CTNNA3: variants seen among roughly 807,000 people sequenced by gnomAD.
The protein encoded by CTNNA3 is catenin alpha-3.
CTNNA3 carries 76 observed loss-of-function variants against 95.7 expected under a neutral mutation model. That is an observed-to-expected ratio of 0.79 (90% CI 0.66 to 0.96). The LOEUF is 0.96. Among genes scored for constraint, CTNNA3 ranks in the 40% least tolerant of loss-of-function variants. CTNNA3 has a pLI of 0.00. For synonymous variants in CTNNA3, 431 were observed against 374.4 expected (o/e 1.15, Z -1.74); for missense variants, 1,191 against 1,089.8 (o/e 1.09, Z -1.31).
At chr10:66,279,884 T>C (rs984968676) in intron 13 of CTNNA3, among the ~76,000 whole-genome samples, 2 of 152,040 alleles carry the variant, frequency 1.3e-5, no homozygotes, top group Non-Finnish European at 2.9e-5. Flanking sequence ...AATCCTGGTT[T>C]CTGTATATAC....
intron 7 of CTNNA3, among the ~76,000 whole-genome samples, chr10:67,026,937 G>T (rs1853427434): frequency 6.6e-6 from 1 of 152,206 alleles, no homozygotes; most frequent in Non-Finnish European, 1.5e-5. Flanking sequence ...TTAGAAGAGG[G>T]ATCATGCCTT....
Position 66,024,966 on chromosome 10 carries a change from C to T in CTNNA3, c.2160-36169G>A, listed in dbSNP as rs982116987. 3.3e-5 allele frequency among the ~76,000 whole-genome samples: 5 copies of T among 152,268 alleles called. No homozygotes were observed. The East Asian group carries it at 9.7e-4, about 29-fold the overall frequency. ...TAAGCCATAGTACATGAAAACATTC[C>T]CAACATGAATAGCAATATCTTTTAT... On this transcript the variant is annotated intron_variant, in intron 15 of 17. Transcript: ENST00000433211.
intron 17 of CTNNA3, among the ~76,000 whole-genome samples, chr10:65,944,962 T>G (rs529234679): frequency 6.6e-6 from 1 of 152,188 alleles, no homozygotes; most frequent in East Asian, 1.9e-4. Flanking sequence ...AAGTAACAGC[T>G]AAAGGAGATG....
intron 5 of CTNNA3, among the ~76,000 whole-genome samples, chr10:67,322,368 C>G (rs894742160): frequency 6.6e-6 from 1 of 152,122 alleles, no homozygotes. Flanking sequence ...CGGATCCTCT[C>G]CCTCCTCTCA....
chr10:67,477,213 G>A (rs1371585895), intron 5 of CTNNA3, among the ~76,000 whole-genome samples: 1 of 151,922 alleles, frequency 6.6e-6, no homozygotes, highest in Non-Finnish European at 1.5e-5. Context: ...GATCCAAGGA[G>A]GTTTCCATCT....
intron 13 of CTNNA3, among the ~76,000 whole-genome samples, chr10:66,121,444 T>C (rs2082567384): frequency 6.6e-6 from 1 of 151,980 alleles, no homozygotes; most frequent in African/African-American, 2.4e-5. Context: ...TTTCCTCAGT[T>C]TCTTTTTTTA....
At chr10:67,631,407 A>G (rs1839139724) in intron 2 of CTNNA3, among the ~76,000 whole-genome samples, 1 of 152,216 alleles carries the variant, frequency 6.6e-6, no homozygotes, top group East Asian at 1.9e-4. Context: ...CAGAAGTTAG[A>G]GTGACATAAT....
chr10:66,176,256 G>A (rs1472749794), intron 13 of CTNNA3, among the ~76,000 whole-genome samples: 1 of 152,116 alleles, frequency 6.6e-6, no homozygotes, highest in African/African-American at 2.4e-5. Context: ...GAATGTGACA[G>A]TTGATGGTCT....
intron 3 of CTNNA3, among the ~76,000 whole-genome samples, chr10:67,557,937 C>A (rs1279470639): frequency 1.3e-5 from 2 of 152,190 alleles, no homozygotes; most frequent in Non-Finnish European, 2.9e-5. Flanking sequence ...CACTAGATTG[C>A]AACAAGACCC....
chr10:66,194,205 T>C (rs1245303127), intron 13 of CTNNA3, among the ~76,000 whole-genome samples: 2 of 152,128 alleles, frequency 1.3e-5, no homozygotes, highest in Non-Finnish European at 2.9e-5. Context: ...AGTAGCACAT[T>C]TTTCTTTGTA....
intron 7 of CTNNA3, among the ~76,000 whole-genome samples, chr10:66,890,729 G>A (rs1845235853): frequency 6.6e-6 from 1 of 152,200 alleles, no homozygotes; most frequent in South Asian, 2.1e-4. Flanking sequence ...AGGTCCAAGA[G>A]AAGGCTTTAG....
intron 12 of CTNNA3, among the ~76,000 whole-genome samples, chr10:66,323,824 C>G (rs1019146248): frequency 6.6e-6 from 1 of 151,844 alleles, no homozygotes; most frequent in Admixed American, 6.6e-5. Flanking sequence ...CAGAAAAGAC[C>G]AGCAGATGAG....
At chr10:67,300,528 C>T (rs995840214) in intron 5 of CTNNA3, among the ~76,000 whole-genome samples, 8 of 152,322 alleles carry the variant, frequency 5.3e-5, no homozygotes, top group East Asian at 1.9e-4. Flanking sequence ...CTAGCATTTC[C>T]GTTTCCCCAA....
chr10:66,716,143 C>A (rs1554840381), intron 9 of CTNNA3, among the ~76,000 whole-genome samples: 1 of 151,996 alleles, frequency 6.6e-6, no homozygotes, highest in African/African-American at 2.4e-5. Context: ...TACATATAGA[C>A]AAATGTAGGA....
intron 13 of CTNNA3, among the ~76,000 whole-genome samples, chr10:66,240,693 G>T (rs2090065527): frequency 6.6e-6 from 1 of 151,924 alleles, no homozygotes. Flanking sequence ...TGAAAATGTT[G>T]CTTAAAAACA....
intron 15 of CTNNA3, among the ~76,000 whole-genome samples, chr10:66,062,457 T>C (rs551321257): frequency 6.6e-6 from 1 of 152,150 alleles, no homozygotes; most frequent in Admixed American, 6.6e-5. Flanking sequence ...GCGAAAAACC[T>C]GCAATGAAAG....
chr10:66,848,018 AG>A (rs1162310878), intron 7 of CTNNA3, among the ~76,000 whole-genome samples: 3 of 152,142 alleles, frequency 2.0e-5, no homozygotes, highest in African/African-American at 7.2e-5. Flanking sequence ...AGGAAACGAG[AG>A]TGATGTGTAG....
intron 7 of CTNNA3, among the ~76,000 whole-genome samples, chr10:67,022,603 T>C (rs1425350844): frequency 1.3e-5 from 2 of 152,150 alleles, no homozygotes; most frequent in Non-Finnish European, 2.9e-5. Flanking sequence ...CAAAGGTAAG[T>C]ATACTATTTT....
At chr10:66,050,942 C>T (rs987768113) in intron 15 of CTNNA3, among the ~76,000 whole-genome samples, 2 of 152,054 alleles carry the variant, frequency 1.3e-5, no homozygotes, top group African/African-American at 4.8e-5. Flanking sequence ...CAGCCTGGAA[C>T]TTCTGGGCTC....
Sources: allele counts gnomAD v4.1 joint callset (sites outside exome capture counted in the v4.1 genomes callset), GRCh38; gene constraint gnomAD v4.1.1; transcripts MANE v1.5; gene names NCBI Gene and HGNC (gene_info 2026-07-23, HGNC 2026-07-21).